Variants in TVP23A observed in about 807,000 individuals in gnomAD.
TVP23A encodes the protein Golgi apparatus membrane protein TVP23 homolog A.
Under a neutral mutation model 31.7 loss-of-function variants are expected in TVP23A, and 21 were observed. The observed-to-expected ratio is 0.66, with a 90% confidence interval of 0.47 to 0.95. TVP23A has a LOEUF of 0.95. Ranked by LOEUF, TVP23A falls within the 40% of genes least tolerant of loss-of-function variation. The pLI, the probability that TVP23A is intolerant of heterozygous loss-of-function variation, is 0.00. For synonymous variants in TVP23A, 104 were observed against 96.0 expected (o/e 1.08, Z -0.49); for missense variants, 279 against 255.6 (o/e 1.09, Z -0.62).
At chr16:10,765,621 T>C (rs1641789), downstream of TVP23A, among the ~76,000 whole-genome samples, 4 of 152,174 alleles carry the variant, frequency 2.6e-5, no homozygotes, top group South Asian at 4.1e-4. The surrounding 1 kb of genome is among the most constrained non-coding windows in gnomAD (Gnocchi z 4.0). Flanking sequence ...CTTGGGGCTA[T>C]TAGATCCTGA....
At chr16:10,774,609 T>C (rs1027656596) in intron 3 of TVP23A, among the ~76,000 whole-genome samples, 8 of 149,490 alleles carry the variant, frequency 5.4e-5, no homozygotes, top group African/African-American at 1.7e-4. Flanking sequence ...TCTCTCTCTT[T>C]TTTTTTTTTT....
rs1256083846 is a variant in TVP23A, at chr16:10,818,587, G to A, written c.-94C>T. On this transcript the variant is annotated 5_prime_UTR_variant, in exon 1 of 8. Coordinates refer to ENST00000299866, the MANE Select transcript of TVP23A (RefSeq NM_001079512.4). This position sits in a 1 kb window ranked among gnomAD's most constrained non-coding sequence, Gnocchi z 4.7. Reference sequence around the variant, plus strand: ...TCGGACGCCGGGCGGGCGGATGTAGGCAGCAGACGGTGGACGCTGAGGGTC... The same window carrying A: ...TCGGACGCCGGGCGGGCGGATGTAGACAGCAGACGGTGGACGCTGAGGGTC... 8.8e-6 allele frequency: 13 copies of A among 1,473,902 alleles called. No individual in the cohort carries two copies. The highest frequency in any genetic ancestry group is 1.2e-5 in the Non-Finnish European group (13 of 1,104,022). The allele number at this position is 1,473,902 out of a possible 1,614,324, so 91.3% of individuals were successfully genotyped here. A position where few individuals can be genotyped will look rare whatever the true frequency, so the allele number is the denominator to read the frequency against.
chr16:10,782,443 C>G (rs2032483110), intron 2 of TVP23A, among the ~76,000 whole-genome samples: 1 of 152,122 alleles, frequency 6.6e-6, no homozygotes, highest in African/African-American at 2.4e-5. Context: ...GTGCCACCAG[C>G]CCCAGGTAGT....
exon 9 of TVP23A, chr16:10,761,258 G>A: frequency 9.8e-7 from 1 of 1,019,768 alleles, no homozygotes; most frequent in Non-Finnish European, 1.5e-6. Flanking sequence ...AACCTCTAAG[G>A]CTTTATGATC....
chr16:10,781,402 A>C (rs1032295617), intron 2 of TVP23A, among the ~76,000 whole-genome samples: 2 of 152,122 alleles, frequency 1.3e-5, no homozygotes, highest in Admixed American at 6.5e-5. Context: ...TTACTCAAGT[A>C]AAGTGTTGTC....
At chr16:10,814,476 C>G (rs2034343906) in intron 2 of TVP23A, among the ~76,000 whole-genome samples, 1 of 152,188 alleles carries the variant, frequency 6.6e-6, no homozygotes. Context: ...TACCCCACAT[C>G]TTGACCACCA....
chr16:10,794,615 A>G (rs2033284566), intron 2 of TVP23A, among the ~76,000 whole-genome samples: 1 of 152,114 alleles, frequency 6.6e-6, no homozygotes, highest in Non-Finnish European at 1.5e-5. Context: ...AGGTGACATG[A>G]GCTTCCCCGA....
rs1162124614 is a variant in TVP23A at position 10,779,529 on chromosome 16, C to T, written c.90-4433G>A. ...CTAACTCCGCCCTCCCAGGCACCAA[C>T]CTGGGAGGTTGCCCCTTGAGAGGCA... On this transcript the variant is annotated intron_variant, in intron 2 of 7. Transcript: ENST00000299866. The surrounding 1 kb of genome is among the most constrained non-coding windows in gnomAD (Gnocchi z 4.9). Among the ~76,000 whole-genome samples, 1 of 152,306 alleles carries T rather than the reference C, an allele frequency of 6.6e-6. No individual in the cohort carries two copies. The highest frequency in any genetic ancestry group is 6.5e-5 in the Admixed American group (1 of 15,298).
At chr16:10,757,804 A>G, downstream of TVP23A, 8 of 1,570,830 alleles carry the variant, frequency 5.1e-6, no homozygotes, top group Non-Finnish European at 6.9e-6. This position sits in a 1 kb window ranked among gnomAD's most constrained non-coding sequence, Gnocchi z 4.1. Flanking sequence ...CCTTTAAAAA[A>G]AAAAGAGGGA....
intron 2 of TVP23A, chr16:10,800,381 T>C (rs2033638996): frequency 6.6e-6 from 1 of 152,164 alleles, no homozygotes. Flanking sequence ...TGCATTTTTA[T>C]TTTTGACCAT....
intron 2 of TVP23A, among the ~76,000 whole-genome samples, chr16:10,802,884 G>C (rs1326705425): frequency 1.3e-5 from 2 of 152,186 alleles, no homozygotes; most frequent in Non-Finnish European, 2.9e-5. Context: ...TGCTAAATTT[G>C]AGATGTCATT....
chr16:10,796,378 C>A (rs1363987984), intron 2 of TVP23A, among the ~76,000 whole-genome samples: 1 of 151,722 alleles, frequency 6.6e-6, no homozygotes. Flanking sequence ...AAAGAGAGAG[C>A]GAGAGAGAGG....
At chr16:10,773,493 C>A (rs868295024) in intron 4 of TVP23A, 52 bp from the exon 5 acceptor site, 2 of 1,534,638 alleles carry the variant, frequency 1.3e-6, no homozygotes, top group Admixed American at 4.6e-5. Context: ...TGGTTGCAAA[C>A]GAGCGTGCTC....
chr16:10,767,461 T>C lies in TVP23A; in HGVS notation c.*1641A>G. 1 of 395,544 alleles carries C rather than the reference T, an allele frequency of 2.5e-6. No individual in the cohort carries two copies. The highest frequency in any genetic ancestry group is 4.4e-6 in the Non-Finnish European group (1 of 225,284). The allele number at this position is 395,544 out of a possible 1,614,324, so 24.5% of individuals were successfully genotyped here. A position where few individuals can be genotyped will look rare whatever the true frequency, so the allele number is the denominator to read the frequency against. On this transcript the variant is annotated 3_prime_UTR_variant, in exon 8 of 8. Transcript: ENST00000299866. This position sits in a 1 kb window ranked among gnomAD's most constrained non-coding sequence, Gnocchi z 4.6. The stretch of plus-strand genomic sequence containing the variant: ...TGTGCTCCCATTCGTATTTTAGGTA[T>C]ATGAGAGTGTGTGTATGTGTGTGCG...
At chr16:10,797,479 G>A (rs551388286) in intron 2 of TVP23A, among the ~76,000 whole-genome samples, 3 of 152,000 alleles carry the variant, frequency 2.0e-5, no homozygotes, top group East Asian at 3.9e-4. Flanking sequence ...TTGAACCTGG[G>A]AGGCAGAGGT....
Position 10,777,593 on chromosome 16 carries a change from C to CT in TVP23A, c.90-2498dup, listed in dbSNP as rs34632030. On this transcript the variant is annotated intron_variant, in intron 2 of 7. Coordinates refer to ENST00000299866, the MANE Select transcript of TVP23A (RefSeq NM_001079512.4). This position sits in a 1 kb window ranked among gnomAD's most constrained non-coding sequence, Gnocchi z 4.5. ...GATTCAGAAGCAGACTTCACAGTGA[C>CT]TTTTTTGCGTAGCAAAGCACCAACT... Among the ~76,000 whole-genome samples the CT allele has an allele frequency of 0.27, 41,416 of 152,106 alleles. 5,911 individuals are homozygous for CT. Among genetic ancestry groups the CT allele is most frequent in the Middle Eastern group, 0.37 (110 of 294 alleles).
intron 2 of TVP23A, among the ~76,000 whole-genome samples, chr16:10,789,152 A>G (rs954918641): frequency 6.6e-6 from 1 of 152,282 alleles, no homozygotes; most frequent in African/African-American, 2.4e-5. Context: ...TATATCACAG[A>G]TGATGCCCTC....
chr16:10,768,049 G>C lies in TVP23A; in HGVS notation c.*1053C>G, dbSNP rs1038522348. On this transcript the variant is annotated 3_prime_UTR_variant, in exon 8 of 8. Transcript: ENST00000299866. The surrounding 1 kb of genome is among the most constrained non-coding windows in gnomAD (Gnocchi z 4.3). ...TAATTCAGAGTAAGTATTTCCATGA[G>C]TACTAAATGCAGATGCCTGTGGGGC... 4 of 1,611,134 alleles carry C rather than the reference G, an allele frequency of 2.5e-6. No individual in the cohort carries two copies. Among genetic ancestry groups the C allele is most frequent in the African/African-American group, 1.3e-5 (1 of 74,864 alleles).
chr16:10,801,404 T>C (rs2033687679), intron 2 of TVP23A, among the ~76,000 whole-genome samples: 1 of 152,088 alleles, frequency 6.6e-6, no homozygotes, highest in Non-Finnish European at 1.5e-5. Flanking sequence ...TCATGAGAAA[T>C]AAAGAAAGGC....
Sources: gnomAD v4.1 joint callset for allele counts (sites outside exome capture counted in the v4.1 genomes callset) on GRCh38, gnomAD v4.1.1 for gene constraint, Gnocchi (gnomAD v3.1) non-coding constraint, MANE v1.5 for transcripts, NCBI Gene and HGNC (gene_info 2026-07-23, HGNC 2026-07-21) for gene names.